Variants in RAB7A observed in about 807,000 individuals in gnomAD.
The protein encoded by RAB7A is RAB7A, member RAS oncogene family.
Under a neutral mutation model 24.5 loss-of-function variants are expected in RAB7A, and 2 were observed. The ratio of observed to expected loss-of-function variants is 0.08; its 90% CI spans 0.03 to 0.26. The LOEUF (loss-of-function observed/expected upper bound fraction) is 0.26, where lower values mean the gene tolerates loss of function less well. RAB7A is among the 10% of genes least tolerant of loss of function. The probability of loss-of-function intolerance (pLI) is 1.00; values close to 1 mark genes in which losing one functional copy is unlikely to be tolerated. For missense variants in RAB7A, 118 were observed against 255.7 expected (o/e 0.46, Z 3.67); for synonymous variants, 100 against 95.9 (o/e 1.04, Z -0.25).
chr3:128,783,378 A>G (rs1933263441), intron 1 of RAB7A, among the ~76,000 whole-genome samples: 1 of 152,044 alleles, frequency 6.6e-6, no homozygotes, highest in Non-Finnish European at 1.5e-5. Flanking sequence ...CCAGGAAGAC[A>G]GGCTCTCAAC....
intron 1 of RAB7A, among the ~76,000 whole-genome samples, chr3:128,767,799 G>A (rs1464242055): frequency 6.6e-6 from 1 of 152,200 alleles, no homozygotes; most frequent in Non-Finnish European, 1.5e-5. Context: ...AATGCAGAGT[G>A]GCTGCTGCTT....
At chr3:128,730,261 G>C (rs2070421910) in intron 1 of RAB7A, among the ~76,000 whole-genome samples, 1 of 147,988 alleles carries the variant, frequency 6.8e-6, no homozygotes, top group Non-Finnish European at 1.5e-5. Context: ...ACGGAATCTT[G>C]CTTTGTAGCC....
chr3:128,748,000 T>C (rs1272533202), intron 1 of RAB7A, among the ~76,000 whole-genome samples: 1 of 152,200 alleles, frequency 6.6e-6, no homozygotes, highest in African/African-American at 2.4e-5. Context: ...ACTCCTGACC[T>C]CAAATGATCC....
chr3:128,756,780 CAG>C, intron 1 of RAB7A, among the ~76,000 whole-genome samples: 1 of 151,820 alleles, frequency 6.6e-6, no homozygotes, highest in East Asian at 1.9e-4. Context: ...CCAATGAAAA[CAG>C]TGTGGTAATG....
intron 3 of RAB7A, chr3:128,798,937 C>G (rs1040383618): frequency 1.6e-5 from 4 of 249,934 alleles, no homozygotes; most frequent in Non-Finnish European, 3.2e-5. Context: ...ACTTTGAAAC[C>G]AAACTATTGG....
chr3:128,728,507 G>A (rs923538340), intron 1 of RAB7A, among the ~76,000 whole-genome samples: 5 of 152,122 alleles, frequency 3.3e-5, no homozygotes, highest in Non-Finnish European at 7.3e-5. Flanking sequence ...TTGTTGCCCA[G>A]GCTAGAGTGC....
intron 1 of RAB7A, among the ~76,000 whole-genome samples, chr3:128,791,636 AT>A (rs1933454354): frequency 6.6e-6 from 1 of 152,110 alleles, no homozygotes; most frequent in Non-Finnish European, 1.5e-5. Context: ...TGGTTGGTAA[AT>A]TACATTTGGA....
At chr3:128,794,569 TG>T (rs1443470242) in intron 1 of RAB7A, among the ~76,000 whole-genome samples, 4 of 152,116 alleles carry the variant, frequency 2.6e-5, no homozygotes, top group African/African-American at 9.7e-5. Context: ...ATTCATTTTC[TG>T]GAAGTCACTG....
chr3:128,759,771 G>A (rs984788784), intron 1 of RAB7A, among the ~76,000 whole-genome samples: 13 of 151,812 alleles, frequency 8.6e-5, no homozygotes, highest in Non-Finnish European at 1.3e-4. Context: ...GTGCAGTGGC[G>A]CAATCTTGGC....
At chr3:128,727,439 C>A (rs2070392127) in intron 1 of RAB7A, among the ~76,000 whole-genome samples, 1 of 152,186 alleles carries the variant, frequency 6.6e-6, no homozygotes, top group South Asian at 2.1e-4. Context: ...TCAGTGCCTC[C>A]CACCACCTCC....
At chr3:128,779,184 C>T (rs752745382) in intron 1 of RAB7A, among the ~76,000 whole-genome samples, 22 of 152,174 alleles carry the variant, frequency 1.4e-4, no homozygotes, top group Non-Finnish European at 1.3e-4. Flanking sequence ...GAGGCTGAGG[C>T]GGGCAGATTA....
chr3:128,794,425 C>A (rs1345054712), intron 1 of RAB7A, among the ~76,000 whole-genome samples: 1 of 152,178 alleles, frequency 6.6e-6, no homozygotes, highest in South Asian at 2.1e-4. Context: ...AGCGGCAAAA[C>A]CAGAATAGAA....
intron 1 of RAB7A, among the ~76,000 whole-genome samples, chr3:128,757,398 G>T (rs2070739040): frequency 6.6e-6 from 1 of 152,170 alleles, no homozygotes; most frequent in African/African-American, 2.4e-5. Context: ...GAACAAGTGT[G>T]ATATTGAGGC....
At chr3:128,777,865 G>A (rs1933130889) in intron 1 of RAB7A, among the ~76,000 whole-genome samples, 1 of 152,118 alleles carries the variant, frequency 6.6e-6, no homozygotes, top group Non-Finnish European at 1.5e-5. Context: ...GGGATTACAG[G>A]TGTGCACCTG....
intron 3 of RAB7A, among the ~76,000 whole-genome samples, chr3:128,800,878 T>C (rs552669022): frequency 2.0e-5 from 3 of 152,124 alleles, no homozygotes; most frequent in African/African-American, 4.8e-5. Context: ...TCCCAAGAGA[T>C]TGAAGCAAAA....
At chr3:128,766,455 G>A (rs1361447389) in intron 1 of RAB7A, among the ~76,000 whole-genome samples, 1 of 152,164 alleles carries the variant, frequency 6.6e-6, no homozygotes, top group African/African-American at 2.4e-5. Context: ...TAAATTTATT[G>A]TATGGTTCTT....
intron 5 of RAB7A, among the ~76,000 whole-genome samples, chr3:128,808,911 C>T (rs981879192): frequency 6.6e-6 from 1 of 152,080 alleles, no homozygotes; most frequent in African/African-American, 2.4e-5. Flanking sequence ...GGGGTCTGCA[C>T]TAAGTGTTCC....
chr3:128,800,732 G>A (rs1933680539), intron 3 of RAB7A, among the ~76,000 whole-genome samples: 1 of 152,204 alleles, frequency 6.6e-6, no homozygotes. Flanking sequence ...GCAGCACAGT[G>A]TTCTGTCTCT....
intron 4 of RAB7A, 132 bp from the exon 5 acceptor site, chr3:128,807,411 C>A (rs749376672): frequency 7.0e-5 from 96 of 1,368,096 alleles, no homozygotes; most frequent in Middle Eastern, 2.5e-4. Context: ...TCCTCCAACA[C>A]CCTCTTTCCC....
Sources: allele counts gnomAD v4.1 joint callset (sites outside exome capture counted in the v4.1 genomes callset), GRCh38; gene constraint gnomAD v4.1.1; transcripts MANE v1.5; gene names NCBI Gene and HGNC (gene_info 2026-07-23, HGNC 2026-07-21).